PPP2R2B: variants seen among roughly 807,000 people sequenced by gnomAD.
PPP2R2B encodes protein phosphatase 2 regulatory subunit Bbeta.
A neutral mutation model predicts 46.0 loss-of-function variants in PPP2R2B; 5 were observed. The observed-to-expected ratio is 0.11, with a 90% CI of 0.06 to 0.23. The LOEUF (loss-of-function observed/expected upper bound fraction) is 0.23. Ranked by LOEUF, PPP2R2B falls within the 10% of genes least tolerant of loss-of-function variation. PPP2R2B has a pLI of 1.00. For synonymous variants in PPP2R2B, 215 were observed against 206.7 expected, an observed-to-expected ratio of 1.04 and a Z score of -0.34; for missense variants, 367 against 575.0, an observed-to-expected ratio of 0.64 and a Z score of 3.70.
intron 1 of PPP2R2B, among the ~76,000 whole-genome samples, chr5:146,954,112 T>C (rs1228837625): frequency 6.9e-6 from 1 of 145,590 alleles, no homozygotes; most frequent in Non-Finnish European, 1.5e-5. Context: ...TCACATAGTT[T>C]GGTTTTACCA....
intron 1 of PPP2R2B, among the ~76,000 whole-genome samples, chr5:146,935,895 G>A (rs1315589351): frequency 6.6e-6 from 1 of 152,066 alleles, no homozygotes; most frequent in South Asian, 2.1e-4. Context: ...ATCTTTCCCA[G>A]CAACTTAGGC....
intron 7 of PPP2R2B, among the ~76,000 whole-genome samples, chr5:146,609,291 A>G (rs1772608933): frequency 6.6e-6 from 1 of 152,216 alleles, no homozygotes; most frequent in South Asian, 2.1e-4. Context: ...AAGATTTGGA[A>G]CACGACAAAG....
intron 9 of PPP2R2B, among the ~76,000 whole-genome samples, chr5:146,591,228 C>T (rs757635085): frequency 1.6e-4 from 24 of 152,090 alleles, no homozygotes; most frequent in Non-Finnish European, 1.9e-4. Flanking sequence ...GTGTATTTCT[C>T]AAATGATTTG....
chr5:146,849,027 G>C (rs6895756), intron 2 of PPP2R2B, among the ~76,000 whole-genome samples: 22,117 of 151,878 alleles, frequency 0.15, 1,934 homozygotes, highest in East Asian at 0.36. Flanking sequence ...ATCAGTGCAG[G>C]CTTTTTTCCT....
Position 146,878,350 on chromosome 5 carries a change from T to A in PPP2R2B, c.-124-155A>T. ...TCCCAGCGAGGATGCTGCGCCTGCC[T>A]CCGCTGCCTCCGGGTGCCAAGATAC... On this transcript the variant is annotated intron_variant, in intron 1 of 9. Coordinates refer to ENST00000394411, the MANE Select transcript of PPP2R2B (RefSeq NM_181675.4). The surrounding 1 kb of genome is among the most constrained non-coding windows in gnomAD (Gnocchi z 4.5). 7.0e-7 allele frequency: 1 copy of A among 1,435,436 alleles called. No individual in the cohort carries two copies. Among genetic ancestry groups the A allele is most frequent in the South Asian group, 1.5e-5 (1 of 66,814 alleles). 88.9% of individuals were successfully genotyped at this position (1,435,436 alleles called of 1,614,324 possible). A position where few individuals can be genotyped will look rare whatever the true frequency, so the allele number is the denominator to read the frequency against.
At chr5:147,030,742 G>A (rs1755740173) in intron 1 of PPP2R2B, among the ~76,000 whole-genome samples, 1 of 152,064 alleles carries the variant, frequency 6.6e-6, no homozygotes, top group Admixed American at 6.5e-5. Flanking sequence ...GTCTAAGAGA[G>A]CTTAATAACT....
At chr5:147,020,970 C>T (rs570374329) in intron 1 of PPP2R2B, among the ~76,000 whole-genome samples, 2 of 152,198 alleles carry the variant, frequency 1.3e-5, no homozygotes, top group East Asian at 3.9e-4. Flanking sequence ...TTCTTATAGT[C>T]ACTGAAAAAC....
At chr5:146,653,495 G>A (rs1433331916) in intron 5 of PPP2R2B, among the ~76,000 whole-genome samples, 1 of 152,120 alleles carries the variant, frequency 6.6e-6, no homozygotes, top group Non-Finnish European at 1.5e-5. Flanking sequence ...TTGCTACCTG[G>A]TTCCTCTGCC....
chr5:146,683,624 A>G (rs962263427), intron 5 of PPP2R2B, among the ~76,000 whole-genome samples: 48 of 152,340 alleles, frequency 3.2e-4, no homozygotes, highest in African/African-American at 1.0e-3. Flanking sequence ...CATGGAACTC[A>G]ATTATCATCA....
At chr5:146,829,675 C>T (rs897330683) in intron 2 of PPP2R2B, among the ~76,000 whole-genome samples, 2 of 152,176 alleles carry the variant, frequency 1.3e-5, no homozygotes, top group East Asian at 1.9e-4. Context: ...GTAAAAGAGG[C>T]GCAGGTTAAG....
chr5:146,684,114 G>A lies in PPP2R2B; in HGVS notation c.447+7014C>T, dbSNP rs1778345548. On this transcript the variant is annotated intron_variant, in intron 5 of 9. Transcript: ENST00000394411. ...GCTTGATTGATTTTTCACTGCAGTA[G>A]CTAAACACGCCATTGTTATATGCAA... is the stretch of plus-strand genomic sequence containing the variant. 2.0e-5 allele frequency among the ~76,000 whole-genome samples: 3 copies of A among 152,286 alleles called. No individual in the cohort carries two copies. In the South Asian group the frequency reaches 6.2e-4, roughly 32 times the overall value.
chr5:146,852,855 C>T (rs567504265), intron 2 of PPP2R2B, among the ~76,000 whole-genome samples: 6 of 152,142 alleles, frequency 3.9e-5, no homozygotes, highest in East Asian at 3.9e-4. Context: ...GACAAAAAAG[C>T]GGAGGCAGAG....
At chr5:146,881,568 C>T (rs1247585707), upstream of PPP2R2B, among the ~76,000 whole-genome samples, 2 of 152,072 alleles carry the variant, frequency 1.3e-5, no homozygotes, top group East Asian at 1.9e-4. Context: ...TGGACCACCA[C>T]ACCCAGCTAA....
intron 6 of PPP2R2B, among the ~76,000 whole-genome samples, chr5:146,645,865 G>T (rs567691338): frequency 1.5e-4 from 23 of 152,212 alleles, no homozygotes; most frequent in Non-Finnish European, 2.2e-4. Context: ...CACTCTCTGG[G>T]CTTCAAAAAT....
chr5:146,664,120 A>T (rs1261673759), intron 5 of PPP2R2B, among the ~76,000 whole-genome samples: 1 of 152,134 alleles, frequency 6.6e-6, no homozygotes, highest in African/African-American at 2.4e-5. Context: ...GATTACAGGC[A>T]TGAGCCACCG....
chr5:146,623,547 C>T (rs971177113), intron 7 of PPP2R2B, among the ~76,000 whole-genome samples: 4 of 152,208 alleles, frequency 2.6e-5, no homozygotes, highest in Non-Finnish European at 5.9e-5. Flanking sequence ...CTTGATGATT[C>T]TATTTTTCTC....
chr5:146,585,296 A>ACACAC lies in PPP2R2B; in HGVS notation c.*4646_*4650dup, dbSNP rs1372847547. 1 of 152,842 alleles carries ACACAC rather than the reference A, an allele frequency of 6.5e-6. No individual in the cohort carries two copies. The highest frequency in any genetic ancestry group is 1.9e-4 in the East Asian group (1 of 5,228). The allele number at this position is 152,842 out of a possible 1,614,324, so 9.5% of individuals were successfully genotyped here. On this transcript the variant is annotated 3_prime_UTR_variant, in exon 10 of 10. Coordinates refer to ENST00000394411, the MANE Select transcript of PPP2R2B (RefSeq NM_181675.4). ...CACACACACACACACACACACACAC[A>ACACAC]CACACATAATGTATGATGGGGATAG...
chr5:146,617,537 AAAC>A (rs769271895), intron 7 of PPP2R2B, among the ~76,000 whole-genome samples: 37 of 152,250 alleles, frequency 2.4e-4, no homozygotes, highest in Non-Finnish European at 4.1e-4. Context: ...CACACCATTT[AAAC>A]AACAGGTATT....
In PPP2R2B at chr5:146,878,016, C is replaced by CTGT; in HGVS notation, c.53_55dup (p.His18_Ser19insAsn). The CTGT allele has an allele frequency of 6.2e-7, 1 of 1,613,870 alleles. No homozygotes were observed. On this transcript the variant is annotated inframe_insertion, in exon 2 of 10. Transcript: ENST00000394411. The surrounding 1 kb of genome is among the most constrained non-coding windows in gnomAD (Gnocchi z 4.5). ...GCTGGCGTTACCTTCGGTCGCATAG[C>CTGT]TGTGGTCGCGCAGGAAACTGTTGTT...
Sources: allele counts gnomAD v4.1 joint callset (sites outside exome capture counted in the v4.1 genomes callset), GRCh38; gene constraint gnomAD v4.1.1; non-coding constraint Gnocchi (gnomAD v3.1); transcripts MANE v1.5; gene names NCBI Gene and HGNC (gene_info 2026-07-23, HGNC 2026-07-21).